The following SDK2 variants were observed in gnomAD, a reference collection of about 807,000 sequenced individuals.
SDK2 encodes the protein protein sidekick-2.
Under a neutral mutation model 253.9 loss-of-function variants are expected in SDK2, and 105 were observed. The observed-to-expected ratio is 0.41, with a 90% CI of 0.35 to 0.49. SDK2 has a LOEUF of 0.49. Among genes scored for constraint, SDK2 ranks in the 20% least tolerant of loss-of-function variants. The probability of loss-of-function intolerance (pLI) is 0.06; values close to 1 mark genes in which losing one functional copy is unlikely to be tolerated. For missense variants in SDK2, 2,608 were observed against 3,003.0 expected (o/e 0.87, Z 3.07); for synonymous variants, 1,249 against 1,234.9 (o/e 1.01, Z -0.24).
chr17:73,493,703 C>T (rs182751690), intron 2 of SDK2, among the ~76,000 whole-genome samples: 1 of 152,262 alleles, frequency 6.6e-6, no homozygotes, highest in Admixed American at 6.5e-5. Flanking sequence ...TCCTCACAGC[C>T]CTCCTTGTGA....
chr17:73,449,795 T>C (rs1201590445), intron 4 of SDK2, among the ~76,000 whole-genome samples: 2 of 151,812 alleles, frequency 1.3e-5, no homozygotes, highest in African/African-American at 4.8e-5. Flanking sequence ...TGGTGGTGCA[T>C]GCCTGTAATC....
rs544497697 is a variant in SDK2 at position 73,463,532 on chromosome 17, C to A, written c.332-7479G>T. The stretch of plus-strand genomic sequence containing the variant: ...CCTTTCCCCTACCCTGGATCTCCCC[C>A]CTTCCCCGGCACCAGGTGATTTCTC... On this transcript the variant is annotated intron_variant, in intron 3 of 44. Transcript: ENST00000392650. Among the ~76,000 whole-genome samples, 14 of 152,190 alleles carry A rather than the reference C, an allele frequency of 9.2e-5. 1 individual carries two copies. The highest frequency in any genetic ancestry group is 4.6e-4 in the Admixed American group (7 of 15,280).
chr17:73,436,936 C>T (rs554421185), intron 8 of SDK2, among the ~76,000 whole-genome samples: 6 of 152,110 alleles, frequency 3.9e-5, no homozygotes, highest in East Asian at 3.9e-4. Context: ...ATCTCCCTCC[C>T]GAGAATGTTA....
In SDK2 at chr17:73,612,917, A is replaced by AAATAATAAT. The variant is rs367745115; in HGVS notation, c.64+31099_64+31107dup. Among the ~76,000 whole-genome samples the AAATAATAAT allele has an allele frequency of 2.6e-3, 400 of 151,556 alleles. No homozygotes were observed. Among genetic ancestry groups the AAATAATAAT allele is most frequent in the African/African-American group, 7.2e-3 (296 of 41,302 alleles). On this transcript the variant is annotated intron_variant, in intron 1 of 44. Coordinates refer to ENST00000392650, the MANE Select transcript of SDK2 (RefSeq NM_001144952.2). This position sits in a 1 kb window ranked among gnomAD's most constrained non-coding sequence, Gnocchi z 4.4. ...GGGTGACAGAGCGAGACTCCGTCTC[A>AAATAATAAT]AATAATAATAATAATAATAATAGTA...
chr17:73,622,040 G>A (rs1022992021), intron 1 of SDK2, among the ~76,000 whole-genome samples: 4 of 152,154 alleles, frequency 2.6e-5, no homozygotes, highest in South Asian at 2.1e-4. Context: ...TCAGCTACCC[G>A]TCCTGTGCAT....
intron 1 of SDK2, among the ~76,000 whole-genome samples, chr17:73,564,355 A>C (rs2045281323): frequency 6.6e-6 from 1 of 152,212 alleles, no homozygotes. Context: ...TTAGAGTATA[A>C]AGTCCACTTG....
intron 1 of SDK2, among the ~76,000 whole-genome samples, chr17:73,627,759 C>T (rs1468210955): frequency 6.6e-6 from 1 of 152,136 alleles, no homozygotes; most frequent in Non-Finnish European, 1.5e-5. Context: ...TGTTTAAAAC[C>T]CACATTTGGC....
At chr17:73,547,941 G>C (rs979997740) in intron 1 of SDK2, among the ~76,000 whole-genome samples, 1 of 152,224 alleles carries the variant, frequency 6.6e-6, no homozygotes, top group East Asian at 1.9e-4. Context: ...CATGGCAGAA[G>C]GCAAAGGGGA....
chr17:73,548,352 C>G (rs911057199), intron 1 of SDK2, among the ~76,000 whole-genome samples: 1 of 152,196 alleles, frequency 6.6e-6, no homozygotes, highest in African/African-American at 2.4e-5. Context: ...GTGGTGCGAC[C>G]TGTGCCTCCA....
At chr17:73,620,757 A>T (rs556778344) in intron 1 of SDK2, among the ~76,000 whole-genome samples, 219 of 152,366 alleles carry the variant, frequency 1.4e-3, no homozygotes, top group Non-Finnish European at 2.5e-3. Flanking sequence ...AAGAAGCCAG[A>T]TACAAAAGGT....
intron 1 of SDK2, among the ~76,000 whole-genome samples, chr17:73,574,137 C>T (rs1459766533): frequency 2.0e-5 from 3 of 152,198 alleles, no homozygotes; most frequent in Non-Finnish European, 4.4e-5. Flanking sequence ...ACTGTTTGCC[C>T]GACCCTCAGG....
chr17:73,493,404 C>T (rs2063820974), intron 2 of SDK2, among the ~76,000 whole-genome samples: 1 of 152,154 alleles, frequency 6.6e-6, no homozygotes, highest in Admixed American at 6.5e-5. Flanking sequence ...ATGTGGCCAG[C>T]GGGGCCCCAG....
intron 1 of SDK2, among the ~76,000 whole-genome samples, chr17:73,599,532 C>CA (rs201148895): frequency 0.3 from 38,409 of 129,446 alleles, 5,256 homozygotes; most frequent in African/African-American, 0.37. Flanking sequence ...GGTTCCATCT[C>CA]AAAAAAAAAA....
intron 1 of SDK2, chr17:73,519,261 C>A: frequency 6.6e-6 from 1 of 152,408 alleles, no homozygotes; most frequent in Non-Finnish European, 1.5e-5. Flanking sequence ...TGTTCCTCCT[C>A]TTGCCCACCC....
At chr17:73,381,414 C>T (rs1301346792) in intron 33 of SDK2, among the ~76,000 whole-genome samples, 2 of 137,980 alleles carry the variant, frequency 1.4e-5, no homozygotes, top group African/African-American at 2.7e-5. Flanking sequence ...CACATATGGG[C>T]AAAAAAAAAA....
At chr17:73,384,360 T>G (rs1004520766) in intron 32 of SDK2, among the ~76,000 whole-genome samples, 15 of 152,260 alleles carry the variant, frequency 9.9e-5, no homozygotes, top group South Asian at 4.1e-4. Context: ...TCACCTCCTT[T>G]GTCTTCAAGA....
chr17:73,366,349 C>T (rs904567882), intron 37 of SDK2, among the ~76,000 whole-genome samples: 2 of 152,114 alleles, frequency 1.3e-5, no homozygotes, highest in Non-Finnish European at 2.9e-5. Flanking sequence ...GGACAGGAGG[C>T]GGACGGACAG....
At chr17:73,575,580 C>T (rs73351583) in intron 1 of SDK2, among the ~76,000 whole-genome samples, 28,565 of 152,252 alleles carry the variant, frequency 0.19, 2,961 homozygotes, top group African/African-American at 0.25. Flanking sequence ...TGTACTATAT[C>T]TGCAGAATAG....
intron 1 of SDK2, among the ~76,000 whole-genome samples, chr17:73,633,045 G>A (rs1171310521): frequency 6.6e-6 from 1 of 152,140 alleles, no homozygotes; most frequent in Non-Finnish European, 1.5e-5. Flanking sequence ...CACTTTGGGA[G>A]GCAGCAGCAG....
Sources: gnomAD v4.1 joint callset for allele counts (sites outside exome capture counted in the v4.1 genomes callset) on GRCh38, gnomAD v4.1.1 for gene constraint, Gnocchi (gnomAD v3.1) non-coding constraint, MANE v1.5 for transcripts, NCBI Gene and HGNC (gene_info 2026-07-23, HGNC 2026-07-21) for gene names.